Variants in APP observed in about 807,000 individuals in gnomAD.
APP encodes amyloid-beta precursor protein.
A neutral mutation model predicts 101.4 loss-of-function variants in APP; 31 were observed. That is an observed-to-expected ratio of 0.31 (90% confidence interval 0.23 to 0.41). The LOEUF is 0.41. Ranked by LOEUF, APP falls within the 10% of genes least tolerant of loss-of-function variation. APP has a pLI of 1.00. For missense variants in APP, 839 were observed against 1,003.7 expected (o/e 0.84, Z 2.22); for synonymous variants, 366 against 364.4 (o/e 1.00, Z -0.05).
intron 2 of APP, 46 bp from the exon 3 acceptor site, chr21:26,090,118 C>T: frequency 5.0e-6 from 8 of 1,611,390 alleles, no homozygotes; most frequent in Non-Finnish European, 6.8e-6. Context: ...GAGGCAGGGG[C>T]TGGCATTTAC....
At chr21:26,055,994 A>C (rs1213497170) in intron 3 of APP, among the ~76,000 whole-genome samples, 5 of 152,152 alleles carry the variant, frequency 3.3e-5, no homozygotes, top group Admixed American at 6.5e-5. Context: ...AGTTACCAAA[A>C]CATATTTACT....
chr21:25,944,034 GC>G (rs398121546), intron 13 of APP, among the ~76,000 whole-genome samples: 20 of 150,366 alleles, frequency 1.3e-4, no homozygotes, highest in African/African-American at 2.2e-4. Context: ...AAATTTCAAT[GC>G]CCCCCCCCAA....
intron 13 of APP, chr21:25,945,682 A>G (rs998617997): frequency 1.5e-5 from 5 of 330,546 alleles, no homozygotes; most frequent in South Asian, 9.0e-5. Context: ...AGACCATTCA[A>G]TGGGGGAAAT....
At chr21:26,092,149 G>A (rs907988740) in intron 2 of APP, among the ~76,000 whole-genome samples, 21 of 152,228 alleles carry the variant, frequency 1.4e-4, no homozygotes, top group African/African-American at 5.1e-4. Context: ...GTTCATCATG[G>A]AGTTTTTTTG....
At chr21:25,892,417 G>T (rs916169119) in intron 16 of APP, among the ~76,000 whole-genome samples, 1 of 152,100 alleles carries the variant, frequency 6.6e-6, no homozygotes, top group Non-Finnish European at 1.5e-5. Flanking sequence ...ACAGGAATAG[G>T]CATTCTGAAA....
chr21:25,889,972 A>G (rs2037582400), intron 17 of APP, among the ~76,000 whole-genome samples: 1 of 152,228 alleles, frequency 6.6e-6, no homozygotes, highest in Admixed American at 6.5e-5. Flanking sequence ...TTGCTCAAAT[A>G]TGGAATTAAA....
Position 26,069,684 on chromosome 21 carries a change from G to A in APP, c.356-16336C>T, listed in dbSNP as rs1015103443. On this transcript the variant is annotated intron_variant, in intron 3 of 17. Coordinates refer to ENST00000346798, the MANE Select transcript of APP (RefSeq NM_000484.4). ...AACTGCCTCTTTTAGATTCTCCTGGGTATAGTCCAGACTTAAAATGCCTCA... is the reference window on the plus strand; with the variant it reads ...AACTGCCTCTTTTAGATTCTCCTGGATATAGTCCAGACTTAAAATGCCTCA... 3.3e-5 allele frequency among the ~76,000 whole-genome samples: 5 copies of A among 152,146 alleles called. No homozygotes were observed. The South Asian group carries it at 1.0e-3, about 32-fold the overall frequency.
chr21:25,898,859 ATCAC>A (rs1161859173), intron 15 of APP, among the ~76,000 whole-genome samples: 1 of 152,132 alleles, frequency 6.6e-6, no homozygotes, highest in African/African-American at 2.4e-5. Flanking sequence ...TCTTGGCCTA[ATCAC>A]TCTTTCAATC....
chr21:26,101,959 A>G (rs1358535185), intron 2 of APP, among the ~76,000 whole-genome samples: 1 of 151,672 alleles, frequency 6.6e-6, no homozygotes, highest in East Asian at 1.9e-4. Context: ...GTGCCCAATA[A>G]ATATAGACTA....
intron 3 of APP, among the ~76,000 whole-genome samples, chr21:26,085,046 T>C (rs1344170711): frequency 6.6e-6 from 1 of 152,246 alleles, no homozygotes; most frequent in African/African-American, 2.4e-5. Flanking sequence ...TACAAAGTCA[T>C]AGAAAATTGC....
intron 1 of APP, among the ~76,000 whole-genome samples, chr21:26,136,005 A>G (rs1001767794): frequency 2.0e-5 from 3 of 151,086 alleles, no homozygotes; most frequent in African/African-American, 7.3e-5. Context: ...CGTGGTGCAC[A>G]CCTGTAATCC....
At chr21:26,100,549 T>C (rs1303600301) in intron 2 of APP, among the ~76,000 whole-genome samples, 1 of 152,250 alleles carries the variant, frequency 6.6e-6, no homozygotes, top group Non-Finnish European at 1.5e-5. Context: ...GCTTTTTATT[T>C]AATTTTAATT....
intron 13 of APP, among the ~76,000 whole-genome samples, chr21:25,927,341 C>T (rs1036547022): frequency 0.016 from 2 of 128 alleles, no homozygotes; most frequent in Non-Finnish European, 0.036. Context: ...CGTGAATGGC[C>T]AGAAGTTTCA....
intron 6 of APP, among the ~76,000 whole-genome samples, chr21:26,011,174 C>T (rs2043790318): frequency 6.6e-6 from 1 of 152,090 alleles, no homozygotes; most frequent in South Asian, 2.1e-4. Context: ...CTCCCAGGTT[C>T]AAGTGATTTC....
intron 1 of APP, among the ~76,000 whole-genome samples, chr21:26,134,056 G>T (rs1349775959): frequency 6.6e-6 from 1 of 152,124 alleles, no homozygotes; most frequent in Non-Finnish European, 1.5e-5. Context: ...ACAGCATTTG[G>T]AGGAGAAGCA....
At chr21:26,007,182 C>G (rs2146709841) in intron 6 of APP, among the ~76,000 whole-genome samples, 1 of 151,772 alleles carries the variant, frequency 6.6e-6, no homozygotes, top group South Asian at 2.1e-4. Context: ...CTATCTTGAA[C>G]TCTTTTTCTC....
intron 3 of APP, among the ~76,000 whole-genome samples, chr21:26,084,481 C>T (rs567439717): frequency 2.8e-4 from 42 of 152,108 alleles, no homozygotes; most frequent in African/African-American, 9.6e-4. Flanking sequence ...CCTTGCGATC[C>T]GCCCATCTCG....
intron 3 of APP, among the ~76,000 whole-genome samples, chr21:26,084,140 A>G (rs1339417239): frequency 6.6e-6 from 1 of 151,864 alleles, no homozygotes; most frequent in African/African-American, 2.4e-5. Flanking sequence ...GCAGGAGCCA[A>G]TGCAATTGAG....
intron 5 of APP, among the ~76,000 whole-genome samples, chr21:26,042,659 T>C (rs930238352): frequency 3.9e-4 from 60 of 152,304 alleles, no homozygotes; most frequent in African/African-American, 1.4e-3. Flanking sequence ...CTCAACACTT[T>C]GGGAGGCCCA....
Sources: allele counts gnomAD v4.1 joint callset (sites outside exome capture counted in the v4.1 genomes callset), GRCh38; gene constraint gnomAD v4.1.1; transcripts MANE v1.5; gene names NCBI Gene and HGNC (gene_info 2026-07-23, HGNC 2026-07-21).